The following PKIG variants were observed in gnomAD, a reference collection of about 807,000 sequenced individuals.
The protein encoded by PKIG is cAMP-dependent protein kinase inhibitor gamma, also known as protein kinase (cAMP-dependent, catalytic) inhibitor gamma.
In PKIG, 1 loss-of-function variant was observed where a neutral mutation model predicts 6.8. That is an observed-to-expected ratio of 0.15 (90% CI 0.05 to 0.69). The LOEUF is 0.69. Among genes scored for constraint, PKIG ranks in the 30% least tolerant of loss-of-function variants. PKIG has a pLI of 0.82. For missense variants in PKIG, 77 were observed against 104.0 expected (o/e 0.74, Z 1.13); for synonymous variants, 39 against 43.0 (o/e 0.91, Z 0.36).
At chr20:44,548,854 CCACACACACA>C (rs11469110) in intron 1 of PKIG, among the ~76,000 whole-genome samples, 1,811 of 135,612 alleles carry the variant, frequency 0.013, 19 homozygotes, top group Middle Eastern at 0.037. Context: ...ACTCCTCCCA[CCACACACACA>C]CACACACACA....
chr20:44,579,221 A>G (rs1268588950), upstream of PKIG, among the ~76,000 whole-genome samples: 2 of 152,194 alleles, frequency 1.3e-5, no homozygotes, highest in African/African-American at 2.4e-5. Context: ...GTCATCAGAG[A>G]AAAGGGTATG....
chr20:44,574,849 C>T (rs931164610), intron 1 of PKIG, among the ~76,000 whole-genome samples: 13 of 152,138 alleles, frequency 8.5e-5, no homozygotes, highest in Admixed American at 2.6e-4. Context: ...AGATTACAGG[C>T]GTGAGCTACC....
intron 1 of PKIG, among the ~76,000 whole-genome samples, chr20:44,563,454 A>G (rs2064785077): frequency 6.6e-6 from 1 of 151,844 alleles, no homozygotes; most frequent in East Asian, 1.9e-4. Flanking sequence ...GTTTTTGTCT[A>G]GGTTCCCAGC....
At chr20:44,582,033 G>GA (rs2064952504), upstream of PKIG, among the ~76,000 whole-genome samples, 1 of 152,104 alleles carries the variant, frequency 6.6e-6, no homozygotes, top group Non-Finnish European at 1.5e-5. Context: ...AGTTTCCCAG[G>GA]GGACACACCA....
At chr20:44,569,675 C>T (rs545465828) in intron 1 of PKIG, among the ~76,000 whole-genome samples, 115 of 152,160 alleles carry the variant, frequency 7.6e-4, no homozygotes, top group Admixed American at 9.8e-4. Flanking sequence ...GGCGCGATCT[C>T]GGCTCACTGC....
chr20:44,605,315 G>A (rs2065154449), intron 2 of PKIG, among the ~76,000 whole-genome samples: 1 of 150,276 alleles, frequency 6.7e-6, no homozygotes, highest in Non-Finnish European at 1.5e-5. Context: ...GCTGAGGCAG[G>A]AGAATGGCGT....
intron 2 of PKIG, among the ~76,000 whole-genome samples, chr20:44,607,377 ATTT>A (rs59226646): frequency 4.4e-4 from 41 of 94,226 alleles, no homozygotes; most frequent in African/African-American, 1.2e-3. Flanking sequence ...ATATATATAT[ATTT>A]TTTTTTTTTT....
upstream of PKIG, among the ~76,000 whole-genome samples, chr20:44,578,003 T>C (rs1356242090): frequency 6.6e-6 from 1 of 152,114 alleles, no homozygotes; most frequent in African/African-American, 2.4e-5. Context: ...GAGTGAGTTC[T>C]TGTTCGGTTA....
chr20:44,578,710 T>A (rs2064921772), upstream of PKIG, among the ~76,000 whole-genome samples: 1 of 152,238 alleles, frequency 6.6e-6, no homozygotes, highest in African/African-American at 2.4e-5. Flanking sequence ...CTTTTCATCA[T>A]AAATTATTCA....
chr20:44,536,772 A>G (rs1260092440), intron 1 of PKIG, among the ~76,000 whole-genome samples: 1 of 152,262 alleles, frequency 6.6e-6, no homozygotes. Context: ...GAAGGCAGAT[A>G]GTGCCAGGTA....
intron 3 of PKIG, among the ~76,000 whole-genome samples, chr20:44,617,254 G>A (rs539586159): frequency 6.6e-6 from 1 of 152,266 alleles, no homozygotes; most frequent in Admixed American, 6.5e-5. Context: ...GGCTGGATTT[G>A]AACTCAGGCC....
chr20:44,618,294 T>TGGA lies in PKIG; in HGVS notation c.164_166dup (p.Glu55dup), dbSNP rs1223200829. On this transcript the variant is annotated inframe_insertion, in exon 4 of 4. Coordinates refer to ENST00000372886, the MANE Select transcript of PKIG (RefSeq NM_001281445.2). The stretch of plus-strand genomic sequence containing the variant: ...TTTCTCTCCTCTCCAGAAGGACAGG[T>TGGA]GGAGGGAAGCGCCCCAGACAAGGAA... The TGGA allele has an allele frequency of 6.2e-7, 1 of 1,611,086 alleles. No individual in the cohort carries two copies. The highest frequency in any genetic ancestry group is 1.3e-5 in the African/African-American group (1 of 74,860).
chr20:44,597,762 G>A (rs2065087398), intron 2 of PKIG, among the ~76,000 whole-genome samples: 1 of 152,170 alleles, frequency 6.6e-6, no homozygotes, highest in South Asian at 2.1e-4. Flanking sequence ...TACACAGCAA[G>A]GTTCTCAGAG....
rs2065019967 is a variant in PKIG, at chr20:44,589,802, C to T, written c.-88C>T. ...TTTTTCTTCTGGTTCCTTAGAATTC[C>T]CGTACTGATTAGTCAACAGTGGAAA... On this transcript the variant is annotated 5_prime_UTR_variant, in exon 2 of 4. Coordinates refer to ENST00000372886, the MANE Select transcript of PKIG (RefSeq NM_001281445.2). The T allele has an allele frequency of 6.6e-6, 1 of 152,206 alleles. No individual in the cohort carries two copies. The highest frequency in any genetic ancestry group is 1.9e-4 in the East Asian group (1 of 5,334). 9.4% of individuals were successfully genotyped at this position (152,206 alleles called of 1,614,324 possible).
chr20:44,577,117 G>T (rs934046255), intron 1 of PKIG, among the ~76,000 whole-genome samples: 7 of 148,676 alleles, frequency 4.7e-5, no homozygotes, highest in South Asian at 4.3e-4. Flanking sequence ...TGTGTGTGTG[G>T]TTTTTTTTTT....
intron 1 of PKIG, among the ~76,000 whole-genome samples, chr20:44,589,568 A>G (rs1434287474): frequency 1.3e-5 from 2 of 152,140 alleles, no homozygotes; most frequent in Non-Finnish European, 2.9e-5. Flanking sequence ...TGGTTTTGCT[A>G]CTATACAGTA....
chr20:44,591,101 G>A (rs939599119), intron 2 of PKIG, among the ~76,000 whole-genome samples: 2 of 152,174 alleles, frequency 1.3e-5, no homozygotes, highest in African/African-American at 4.8e-5. Context: ...AGTAGTCTGC[G>A]GTAGGTCCAG....
chr20:44,604,185 G>A (rs2065145058), intron 2 of PKIG, among the ~76,000 whole-genome samples: 1 of 152,218 alleles, frequency 6.6e-6, no homozygotes, highest in Admixed American at 6.5e-5. Context: ...GAAAATAATT[G>A]AACCTGGGTA....
intron 1 of PKIG, among the ~76,000 whole-genome samples, chr20:44,552,628 C>A (rs2064679282): frequency 6.6e-6 from 1 of 152,138 alleles, no homozygotes; most frequent in Non-Finnish European, 1.5e-5. Flanking sequence ...ATAAATCTAA[C>A]CCAACCCCTG....
Sources: gnomAD v4.1 joint callset for allele counts (sites outside exome capture counted in the v4.1 genomes callset) on GRCh38, gnomAD v4.1.1 for gene constraint, MANE v1.5 for transcripts, NCBI Gene and HGNC (gene_info 2026-07-23, HGNC 2026-07-21) for gene names.